The following GSE1 variants were observed in gnomAD, a reference collection of about 807,000 sequenced individuals.
The protein encoded by GSE1 is Gse1 coiled-coil protein, also known as genetic suppressor element 1.
A neutral mutation model predicts 112.6 loss-of-function variants in GSE1; 32 were observed. The ratio of observed to expected loss-of-function variants is 0.28; its 90% CI spans 0.21 to 0.38. The LOEUF (loss-of-function observed/expected upper bound fraction) is 0.38. GSE1 is among the 10% of genes least tolerant of loss of function. The pLI, the probability that GSE1 is intolerant of heterozygous loss-of-function variation, is 1.00. For synonymous variants in GSE1, 1,115 were observed against 735.6 expected (o/e 1.52, Z -8.35); for missense variants, 2,348 against 1,699.2 (o/e 1.38, Z -6.71).
upstream of GSE1, among the ~76,000 whole-genome samples, chr16:85,609,348 C>T (rs1204750650): frequency 2.6e-5 from 4 of 152,376 alleles, no homozygotes; most frequent in Non-Finnish European, 5.9e-5. Flanking sequence ...ATCCTCCTGC[C>T]TCAGTCTCGC....
chr16:85,653,764 C>G (rs889444627), intron 3 of GSE1, among the ~76,000 whole-genome samples: 1 of 152,142 alleles, frequency 6.6e-6, no homozygotes, highest in Non-Finnish European at 1.5e-5. Context: ...GCTTCCTTTG[C>G]CCCTGCCCTC....
intron 2 of GSE1, among the ~76,000 whole-genome samples, chr16:85,549,908 C>T (rs1029446814): frequency 2.0e-5 from 3 of 152,140 alleles, no homozygotes; most frequent in Non-Finnish European, 4.4e-5. Context: ...GATGCTGGGG[C>T]AGGTCGTAAG....
At chr16:85,654,141 G>C in intron 3 of GSE1, 137 bp from the exon 4 acceptor site, 2 of 784,572 alleles carry the variant, frequency 2.5e-6, no homozygotes, top group Non-Finnish European at 4.0e-6. Context: ...GTTTTGCGTA[G>C]AAAGCCTTAG....
At chr16:85,199,871 G>A (rs1027014173) in intron 1 of GSE1, among the ~76,000 whole-genome samples, 3 of 152,102 alleles carry the variant, frequency 2.0e-5, no homozygotes, top group Non-Finnish European at 4.4e-5. Context: ...GCAGGGAGGG[G>A]GCTACTGCAG....
intron 1 of GSE1, among the ~76,000 whole-genome samples, chr16:85,621,772 A>C (rs2048759070): frequency 6.6e-6 from 1 of 151,968 alleles, no homozygotes; most frequent in African/African-American, 2.4e-5. Flanking sequence ...CACTGGAGAG[A>C]CTGTTGTGTT....
intron 2 of GSE1, among the ~76,000 whole-genome samples, chr16:85,431,477 C>T (rs550984705): frequency 6.6e-6 from 1 of 152,238 alleles, no homozygotes; most frequent in Admixed American, 6.5e-5. Flanking sequence ...ACGCCCCTAC[C>T]GTGTTTGCAG....
chr16:85,377,277 G>C (rs756402920), intron 2 of GSE1, among the ~76,000 whole-genome samples: 34 of 152,194 alleles, frequency 2.2e-4, no homozygotes, highest in Non-Finnish European at 3.4e-4. Context: ...TCTGTGCGGT[G>C]TCTGAATTGC....
intron 2 of GSE1, among the ~76,000 whole-genome samples, chr16:85,398,186 C>T (rs1367497528): frequency 1.3e-5 from 2 of 152,176 alleles, no homozygotes; most frequent in East Asian, 1.9e-4. Context: ...GATGGGATCA[C>T]AGGTTCCCAG....
intron 1 of GSE1, among the ~76,000 whole-genome samples, chr16:85,323,634 C>T (rs1358399195): frequency 1.3e-5 from 2 of 152,192 alleles, no homozygotes; most frequent in Non-Finnish European, 2.9e-5. Flanking sequence ...CTCAGAGGCT[C>T]TGCCCAGTGA....
In GSE1 at chr16:85,648,690, C is replaced by T. The variant is rs761037151; in HGVS notation, c.365C>T (p.Pro122Leu). The change falls in exon 3 of 16, where the codon CCC becomes CTC. Residue 122 changes from proline (P) to leucine (L), a missense_variant. Transcript: ENST00000253458. ...GGCCACAGCGTGCCCAGCACCCCCCCCGTGGTGACCATCGCTCCAACCAAA... is the reference window on the plus strand; with the variant it reads ...GGCCACAGCGTGCCCAGCACCCCCCTCGTGGTGACCATCGCTCCAACCAAA... ...PGGHSVPSTP[P>L]VVTIAPTKTV... The T allele has an allele frequency of 6.2e-6, 10 of 1,608,928 alleles. No homozygotes were observed. The highest frequency in any genetic ancestry group is 8.5e-6 in the Non-Finnish European group (10 of 1,177,620).
chr16:85,289,751 G>A (rs1229123568), intron 1 of GSE1, among the ~76,000 whole-genome samples: 6 of 152,156 alleles, frequency 3.9e-5, no homozygotes, highest in East Asian at 3.8e-4. Context: ...TGGGGCAGTC[G>A]CCCGATGAGG....
chr16:85,457,103 A>G (rs115856769), intron 2 of GSE1, among the ~76,000 whole-genome samples: 3,921 of 152,290 alleles, frequency 0.026, 178 homozygotes, highest in African/African-American at 0.09. Context: ...TAAGCCAGGC[A>G]GTTCCTGCCT....
chr16:85,451,104 G>A (rs995482905), intron 2 of GSE1, among the ~76,000 whole-genome samples: 4 of 142,900 alleles, frequency 2.8e-5, no homozygotes, highest in African/African-American at 5.2e-5. Context: ...AAAAAGCCAG[G>A]TTTATTCAGA....
At chr16:85,360,920 A>G (rs900748) in intron 2 of GSE1, among the ~76,000 whole-genome samples, 58,735 of 151,840 alleles carry the variant, frequency 0.39, 11,581 homozygotes, top group East Asian at 0.57. Context: ...CAGACTTACA[A>G]GCACAGGGCC....
chr16:85,568,179 G>T (rs1255109221), intron 1 of GSE1, among the ~76,000 whole-genome samples: 2 of 152,236 alleles, frequency 1.3e-5, no homozygotes, highest in Non-Finnish European at 2.9e-5. Flanking sequence ...GAGAGTGGTA[G>T]CCTTGCCTTG....
chr16:85,579,564 A>T (rs2046364662), intron 1 of GSE1, among the ~76,000 whole-genome samples: 1 of 152,150 alleles, frequency 6.6e-6, no homozygotes. Flanking sequence ...CTGGAGATCC[A>T]GGGCCAGCAG....
At chr16:85,371,136 C>G (rs927968527) in intron 2 of GSE1, among the ~76,000 whole-genome samples, 2 of 152,220 alleles carry the variant, frequency 1.3e-5, no homozygotes, top group African/African-American at 4.8e-5. Context: ...CCCCCTCGTT[C>G]CTTCCCCAGG....
chr16:85,221,385 A>T (rs2075390357), intron 1 of GSE1, among the ~76,000 whole-genome samples: 1 of 151,834 alleles, frequency 6.6e-6, no homozygotes, highest in Non-Finnish European at 1.5e-5. Context: ...ACACACACCC[A>T]CATGCATACA....
At chr16:85,397,315 C>T (rs956771918) in intron 2 of GSE1, among the ~76,000 whole-genome samples, 11 of 152,222 alleles carry the variant, frequency 7.2e-5, no homozygotes, top group African/African-American at 2.7e-4. Context: ...AGGCTGCGAC[C>T]CCCGCTCCCA....
Sources: gnomAD v4.1 joint callset for allele counts (sites outside exome capture counted in the v4.1 genomes callset) on GRCh38, gnomAD v4.1.1 for gene constraint, MANE v1.5 for transcripts, NCBI Gene and HGNC (gene_info 2026-07-23, HGNC 2026-07-21) for gene names.